Variants in SLC5A3 observed in about 807,000 individuals in gnomAD.
The protein encoded by SLC5A3 is solute carrier family 5 member 3, also known as sodium/myo-inositol cotransporter.
SLC5A3 carries 10 observed loss-of-function variants against 43.2 expected under a neutral mutation model. The observed-to-expected ratio is 0.23, with a 90% CI of 0.14 to 0.39. The LOEUF is 0.39. SLC5A3 is among the 10% of genes least tolerant of loss of function. SLC5A3 has a pLI of 1.00. For missense variants in SLC5A3, 608 were observed against 893.4 expected (o/e 0.68, Z 4.07); for synonymous variants, 349 against 322.0 (o/e 1.08, Z -0.90).
In SLC5A3 at chr21:34,100,208, T is replaced by G. The variant is rs1979171414; in HGVS notation, c.*2853T>G. On this transcript the variant is annotated 3_prime_UTR_variant, in exon 2 of 2. Transcript: ENST00000381151. ...GAAAAATAAATGTCTTACCAGGTGT[T>G]AATGGTATCCCCAGTTCTTAGACTT... 1 of 1,000,128 alleles carries G rather than the reference T, an allele frequency of 1.0e-6. No homozygotes were observed. Among genetic ancestry groups the G allele is most frequent in the African/African-American group, 1.7e-5 (1 of 57,244 alleles). 62.0% of individuals were successfully genotyped at this position (1,000,128 alleles called of 1,614,324 possible). A position where few individuals can be genotyped will look rare whatever the true frequency, so the allele number is the denominator to read the frequency against.
chr21:34,079,966 C>T (rs1233492599), intron 1 of SLC5A3, among the ~76,000 whole-genome samples: 1 of 152,124 alleles, frequency 6.6e-6, no homozygotes, highest in Admixed American at 6.6e-5. Flanking sequence ...TCATCTGGGG[C>T]TGAACAAATG....
intron 1 of SLC5A3, among the ~76,000 whole-genome samples, chr21:34,074,967 G>T (rs892640374): frequency 6.6e-6 from 1 of 152,204 alleles, no homozygotes; most frequent in African/African-American, 2.4e-5. Context: ...GCATGCCATT[G>T]TGTCCCCCAG....
In SLC5A3 at chr21:34,095,870, C is replaced by T; in HGVS notation, c.672C>T (p.Val224=). Residue 224 remains valine, a synonymous_variant, in exon 2 of 2, where the codon GTC becomes GTT. Coordinates refer to ENST00000381151, the MANE Select transcript of SLC5A3 (RefSeq NM_006933.7). ...GGTACATGTTGGCCTCACCCGATGT[C>T]ACTTCCATCTTATTGACATACAACC... is the stretch of plus-strand genomic sequence containing the variant. ...KRRYMLASPD[V]TSILLTYNLS... The T allele has an allele frequency of 6.2e-7, 1 of 1,614,072 alleles. No homozygotes were observed. Among genetic ancestry groups the T allele is most frequent in the East Asian group, 2.2e-5 (1 of 44,880 alleles).
At chr21:34,086,517 TTGTGTG>T (rs34988334) in intron 1 of SLC5A3, among the ~76,000 whole-genome samples, 180 of 148,340 alleles carry the variant, frequency 1.2e-3, no homozygotes, top group East Asian at 3.2e-3. Flanking sequence ...TAGTTTGTGT[TTGTGTG>T]TGTGTGTGTG....
rs1234778394 is a variant in SLC5A3, at chr21:34,096,789, C to T, written c.1591C>T (p.Leu531Phe). The T allele has an allele frequency of 3.1e-6, 5 of 1,613,938 alleles. No homozygotes were observed. The highest frequency in any genetic ancestry group is 4.2e-6 in the Non-Finnish European group (5 of 1,179,904). Reference sequence around the variant, plus strand: ...GGGACTCATTACTGTAATTGTGAGCCTTCTCACACCACCTCCCACAAAGGA... The same window carrying T: ...GGGACTCATTACTGTAATTGTGAGCTTTCTCACACCACCTCCCACAAAGGA... ...VTGLITVIVS[L>F]LTPPPTKEQI... The change falls in exon 2 of 2, where the codon CTT (leucine) becomes TTT (phenylalanine). Residue 531 changes from leucine to phenylalanine, a missense_variant. Leu to Phe is a conservative substitution (Grantham distance 22). Around this residue, in one of 2 missense-constraint regions of SLC5A3, gnomAD observed 210 missense variants for 224.8 expected, o/e 0.93. Coordinates refer to ENST00000381151, the MANE Select transcript of SLC5A3 (RefSeq NM_006933.7). This position sits in a 1 kb window ranked among gnomAD's most constrained non-coding sequence, Gnocchi z 5.9.
In SLC5A3 at chr21:34,103,597, G is replaced by A. The variant is rs1465572788; in HGVS notation, c.*6242G>A. 1.0e-6 allele frequency: 1 copy of A among 1,000,122 alleles called. No homozygotes were observed. Among genetic ancestry groups the A allele is most frequent in the South Asian group, 4.7e-5 (1 of 21,284 alleles). The allele number at this position is 1,000,122 out of a possible 1,614,324, so 62.0% of individuals were successfully genotyped here. A position where few individuals can be genotyped will look rare whatever the true frequency, so the allele number is the denominator to read the frequency against. On this transcript the variant is annotated 3_prime_UTR_variant, in exon 2 of 2. Coordinates refer to ENST00000381151, the MANE Select transcript of SLC5A3 (RefSeq NM_006933.7). The stretch of plus-strand genomic sequence containing the variant: ...CACAAAATCGTGTTCACACATTAGT[G>A]TACCCACACATAGAAAGCACAAGAC...
chr21:34,099,209 A>C lies in SLC5A3; in HGVS notation c.*1854A>C. The C allele has an allele frequency of 1.0e-6, 1 of 1,000,000 alleles. No homozygotes were observed. Among genetic ancestry groups the C allele is most frequent in the South Asian group, 4.7e-5 (1 of 21,276 alleles). 61.9% of individuals were successfully genotyped at this position (1,000,000 alleles called of 1,614,324 possible). ...CTTGTAGAATTTTTTTCTCAATTTT[A>C]TTCTTGAGGTTTATAATTTGGGGGC... is the stretch of plus-strand genomic sequence containing the variant. On this transcript the variant is annotated 3_prime_UTR_variant, in exon 2 of 2. Coordinates refer to ENST00000381151, the MANE Select transcript of SLC5A3 (RefSeq NM_006933.7).
intron 1 of SLC5A3, among the ~76,000 whole-genome samples, chr21:34,091,518 C>T (rs1978692932): frequency 6.6e-6 from 1 of 152,164 alleles, no homozygotes; most frequent in Admixed American, 6.5e-5. Context: ...ATGGTTATAT[C>T]ACCTGAAGGA....
Position 34,097,203 on chromosome 21 carries a change from C to G in SLC5A3, c.2005C>G (p.Leu669Val). Reference protein sequence around the residue: ...DWFCGFKSKSLSKRSLRDLME... With the variant: ...DWFCGFKSKSVSKRSLRDLME... ...GTTTTGTGGCTTTAAAAGTAAGAGC[C>G]TCAGCAAGAGGAGTCTCAGAGACCT... is the stretch of plus-strand genomic sequence containing the variant. Residue 669 changes from leucine (L) to valine (V), a missense_variant, in exon 2 of 2, where the codon CTC (leucine) becomes GTC (valine). Around this residue, in one of 2 missense-constraint regions of SLC5A3, gnomAD observed 210 missense variants for 224.8 expected, o/e 0.93. Transcript: ENST00000381151. The G allele has an allele frequency of 6.2e-7, 1 of 1,614,054 alleles. No individual in the cohort carries two copies. Among genetic ancestry groups the G allele is most frequent in the Non-Finnish European group, 8.5e-7 (1 of 1,179,962 alleles).
intron 1 of SLC5A3, among the ~76,000 whole-genome samples, chr21:34,080,858 G>T (rs554870363): frequency 7.9e-5 from 12 of 152,178 alleles, no homozygotes; most frequent in Non-Finnish European, 1.6e-4. Context: ...TGTTGACCTC[G>T]TGCTAGTAGT....
chr21:34,088,828 G>C (rs1418757086), intron 1 of SLC5A3, among the ~76,000 whole-genome samples: 3 of 151,704 alleles, frequency 2.0e-5, no homozygotes, highest in Non-Finnish European at 4.4e-5. Flanking sequence ...CATAAAACTA[G>C]ACACAGTACC....
chr21:34,073,989 GCCT>G, intron 1 of SLC5A3, among the ~76,000 whole-genome samples: 1 of 146,254 alleles, frequency 6.8e-6, no homozygotes, highest in East Asian at 2.0e-4. Flanking sequence ...GGGAGGGTGT[GCCT>G]CGCAAGCGGC....
intron 1 of SLC5A3, among the ~76,000 whole-genome samples, chr21:34,090,257 C>T (rs1270297273): frequency 1.3e-5 from 2 of 152,162 alleles, no homozygotes; most frequent in East Asian, 3.9e-4. Context: ...ATCCTTGCTC[C>T]ACATTTTTAA....
intron 1 of SLC5A3, among the ~76,000 whole-genome samples, chr21:34,085,707 A>G (rs987605849): frequency 4.1e-5 from 6 of 147,342 alleles, no homozygotes; most frequent in African/African-American, 1.5e-4. Context: ...GTTTCACGCC[A>G]TTCTCCTGCC....
intron 1 of SLC5A3, among the ~76,000 whole-genome samples, chr21:34,083,053 C>T (rs780870867): frequency 2.6e-5 from 4 of 152,142 alleles, no homozygotes; most frequent in Admixed American, 6.5e-5. Context: ...GCCCCAGAAT[C>T]GAGAATTCCT....
At position 34,104,887 on chromosome 21, in the gene SLC5A3, T is replaced by C. The variant is rs1358795751; in HGVS notation, c.*7532T>C. The C allele has an allele frequency of 1.0e-6, 1 of 1,000,150 alleles. No homozygotes were observed. The highest frequency in any genetic ancestry group is 1.1e-4 in the East Asian group (1 of 8,836). 62.0% of individuals were successfully genotyped at this position (1,000,150 alleles called of 1,614,324 possible). On this transcript the variant is annotated 3_prime_UTR_variant, in exon 2 of 2. Coordinates refer to ENST00000381151, the MANE Select transcript of SLC5A3 (RefSeq NM_006933.7). ...TGTACAAAAAAATGCTTCTGGAGAT[T>C]TCTTTGGCAGAAATGCCTTTCATCT...
chr21:34,080,459 G>T (rs750702892), intron 1 of SLC5A3, among the ~76,000 whole-genome samples: 2 of 152,034 alleles, frequency 1.3e-5, no homozygotes, highest in Non-Finnish European at 2.9e-5. Context: ...CCGGCATCAT[G>T]CTGTTTTTCT....
chr21:34,085,932 C>T (rs991222897), intron 1 of SLC5A3, among the ~76,000 whole-genome samples: 4 of 152,270 alleles, frequency 2.6e-5, no homozygotes, highest in South Asian at 2.1e-4. Context: ...AACCGTAGTG[C>T]CTTTACACCT....
chr21:34,097,594 T>A lies in SLC5A3; in HGVS notation c.*239T>A. On this transcript the variant is annotated 3_prime_UTR_variant, in exon 2 of 2. Transcript: ENST00000381151. ...AATTGTGCAAATGTGGTTTTAAATT[T>A]TGCATACCAAAGTAAGAAGAGACCA... The A allele has an allele frequency of 8.0e-7, 1 of 1,250,360 alleles. No homozygotes were observed. The highest frequency in any genetic ancestry group is 1.5e-5 in the African/African-American group (1 of 64,566). The allele number at this position is 1,250,360 out of a possible 1,614,324, so 77.5% of individuals were successfully genotyped here.
Sources: gnomAD v4.1 joint callset for allele counts (sites outside exome capture counted in the v4.1 genomes callset) on GRCh38, gnomAD v4.1.1 for gene constraint, gnomAD v4.1.1 regional missense constraint, Gnocchi (gnomAD v3.1) non-coding constraint, MANE v1.5 for transcripts, NCBI Gene and HGNC (gene_info 2026-07-23, HGNC 2026-07-21) for gene names.